Variants in CNTN4 observed in about 807,000 individuals in gnomAD.
CNTN4 encodes the protein contactin-4.
Under a neutral mutation model 122.5 loss-of-function variants are expected in CNTN4, and 77 were observed. The observed-to-expected ratio is 0.63, with a 90% CI of 0.52 to 0.76. The LOEUF (loss-of-function observed/expected upper bound fraction) is 0.76, where lower values mean the gene tolerates loss of function less well. Ranked by LOEUF, CNTN4 falls within the 30% of genes least tolerant of loss-of-function variation. CNTN4 has a pLI of 0.00. For missense variants in CNTN4, 1,256 were observed against 1,259.1 expected (o/e 1.00, Z 0.04); for synonymous variants, 512 against 447.0 (o/e 1.15, Z -1.83).
At chr3:2,319,105 C>G (rs1029232513) in intron 2 of CNTN4, among the ~76,000 whole-genome samples, 23 of 151,870 alleles carry the variant, frequency 1.5e-4, no homozygotes, top group African/African-American at 5.1e-4. Context: ...TATACCTAGT[C>G]AAAAGAAGGA....
chr3:2,508,923 C>T (rs972107629), intron 3 of CNTN4, among the ~76,000 whole-genome samples: 1 of 152,188 alleles, frequency 6.6e-6, no homozygotes, highest in Middle Eastern at 3.4e-3. Context: ...AGTGGTATAT[C>T]TCTAGGGAGA....
chr3:2,889,750 T>C (rs1225695960), intron 10 of CNTN4, among the ~76,000 whole-genome samples: 1 of 152,226 alleles, frequency 6.6e-6, no homozygotes, highest in Non-Finnish European at 1.5e-5. Flanking sequence ...CATGATTTTC[T>C]GTTAACTGAA....
chr3:2,128,311 C>T (rs1257447797), intron 2 of CNTN4, among the ~76,000 whole-genome samples: 1 of 152,156 alleles, frequency 6.6e-6, no homozygotes, highest in Non-Finnish European at 1.5e-5. Context: ...AGAATGGACA[C>T]AGTGATACTA....
At chr3:2,969,187 G>T (rs56356022) in intron 13 of CNTN4, among the ~76,000 whole-genome samples, 9,669 of 152,122 alleles carry the variant, frequency 0.064, 1,076 homozygotes, top group African/African-American at 0.22. Context: ...ATTTTTGTTG[G>T]TTTCATTCTT....
At chr3:2,679,370 C>T (rs2085043730) in intron 4 of CNTN4, among the ~76,000 whole-genome samples, 1 of 152,100 alleles carries the variant, frequency 6.6e-6, no homozygotes, top group Non-Finnish European at 1.5e-5. Flanking sequence ...CTGAATAGGG[C>T]AGAGACTCAG....
chr3:2,706,869 T>C (rs116330623), intron 4 of CNTN4, among the ~76,000 whole-genome samples: 2,076 of 152,254 alleles, frequency 0.014, 32 homozygotes, highest in African/African-American at 0.043. Context: ...GTGCCTCAGT[T>C]TCCTCACCTG....
intron 3 of CNTN4, among the ~76,000 whole-genome samples, chr3:2,468,934 C>G (rs917493711): frequency 2.6e-5 from 4 of 152,122 alleles, no homozygotes; most frequent in African/African-American, 9.7e-5. Flanking sequence ...CCTTGTAGCT[C>G]ATTGGTCATT....
intron 2 of CNTN4, among the ~76,000 whole-genome samples, chr3:2,165,445 A>G (rs567626415): frequency 1.3e-5 from 2 of 151,442 alleles, no homozygotes; most frequent in South Asian, 2.1e-4. Flanking sequence ...TTATTTTGAC[A>G]TGTGTGTACA....
At chr3:2,289,334 C>T (rs2042050045) in intron 2 of CNTN4, among the ~76,000 whole-genome samples, 1 of 152,070 alleles carries the variant, frequency 6.6e-6, no homozygotes, top group Non-Finnish European at 1.5e-5. Flanking sequence ...ACCTATGTTT[C>T]TCATTGCATA....
chr3:2,716,734 C>G (rs1054582091), intron 4 of CNTN4, among the ~76,000 whole-genome samples: 2 of 152,110 alleles, frequency 1.3e-5, no homozygotes, highest in African/African-American at 4.8e-5. Context: ...CAGAATATTT[C>G]CATTACCCCC....
intron 4 of CNTN4, among the ~76,000 whole-genome samples, chr3:2,609,824 A>C (rs997033899): frequency 6.6e-6 from 1 of 152,166 alleles, no homozygotes; most frequent in East Asian, 1.9e-4. Context: ...ATTTTTTACT[A>C]TCAATAAAGA....
At chr3:2,284,704 T>C (rs1341123314) in intron 2 of CNTN4, among the ~76,000 whole-genome samples, 1 of 151,984 alleles carries the variant, frequency 6.6e-6, no homozygotes, top group Non-Finnish European at 1.5e-5. Flanking sequence ...AGCATCATCT[T>C]TGAGAATGTT....
chr3:2,631,865 C>CAAAAAAA (rs1157671569), intron 4 of CNTN4, among the ~76,000 whole-genome samples: 1,557 of 69,760 alleles, frequency 0.022, 74 homozygotes, highest in African/African-American at 0.033. Context: ...CGTATCTCTA[C>CAAAAAAA]AAAAAAAAAA....
intron 2 of CNTN4, among the ~76,000 whole-genome samples, chr3:2,305,035 C>T (rs1400904852): frequency 6.6e-6 from 1 of 151,842 alleles, no homozygotes; most frequent in African/African-American, 2.4e-5. Flanking sequence ...CTTCCTATGG[C>T]AAGCAGAATT....
chr3:2,674,481 G>T (rs1290702434), intron 4 of CNTN4, among the ~76,000 whole-genome samples: 1 of 152,176 alleles, frequency 6.6e-6, no homozygotes, highest in Non-Finnish European at 1.5e-5. Context: ...CTGTGTCCAG[G>T]CATGCTGGCT....
rs1575031482 is a variant in CNTN4 at position 2,186,263 on chromosome 3, T to C, written c.-145+85624T>C. On this transcript the variant is annotated intron_variant, in intron 2 of 24. Transcript: ENST00000418658. Reference sequence around the variant, plus strand: ...TCTCCCTACAAAGGACATGAACTCATCCTTTTTTATGGCTGCATAGTATTT... The same window carrying C: ...TCTCCCTACAAAGGACATGAACTCACCCTTTTTTATGGCTGCATAGTATTT... 3.3e-5 allele frequency among the ~76,000 whole-genome samples: 5 copies of C among 151,052 alleles called. No individual in the cohort carries two copies. The East Asian group carries it at 9.7e-4, about 29-fold the overall frequency.
At chr3:2,510,441 T>C (rs2149068230) in intron 3 of CNTN4, among the ~76,000 whole-genome samples, 1 of 150,936 alleles carries the variant, frequency 6.6e-6, no homozygotes. Context: ...GATTTCTGAC[T>C]CCCTCAATGT....
rs1387764378 is a variant in CNTN4 at position 2,394,131 on chromosome 3, AT to A, written c.-89+54899del. ...CTAAATTTTAGGCATATTAATGAAC[AT>A]GAATTTGCAGAGTGTGTCGTTTAAA... On this transcript the variant is annotated intron_variant, in intron 3 of 24. Coordinates refer to ENST00000418658, the MANE Select transcript of CNTN4 (RefSeq NM_175607.3). Among the ~76,000 whole-genome samples the A allele has an allele frequency of 8.6e-4, 131 of 152,216 alleles. 1 individual carries two copies. The highest frequency in any genetic ancestry group is 2.9e-3 in the African/African-American group (121 of 41,540).
chr3:2,776,726 C>A, intron 6 of CNTN4, among the ~76,000 whole-genome samples: 1 of 152,174 alleles, frequency 6.6e-6, no homozygotes, highest in South Asian at 2.1e-4. Flanking sequence ...TGTTGATTAC[C>A]TATAGGTTCC....
Sources: allele counts gnomAD v4.1 joint callset (sites outside exome capture counted in the v4.1 genomes callset), GRCh38; gene constraint gnomAD v4.1.1; transcripts MANE v1.5; gene names NCBI Gene and HGNC (gene_info 2026-07-23, HGNC 2026-07-21).